The following AKAIN1 variants were observed in gnomAD, a reference collection of about 807,000 sequenced individuals.
AKAIN1 encodes the protein A-kinase anchor inhibitor 1.
In AKAIN1, 3 loss-of-function variants were observed where a neutral mutation model predicts 3.7. That is an observed-to-expected ratio of 0.82 (90% CI 0.37 to 2.12). AKAIN1 has a LOEUF of 2.12. Ranked by LOEUF, AKAIN1 falls within the 30% of genes most tolerant of loss-of-function variation. The pLI, the probability that AKAIN1 is intolerant of heterozygous loss-of-function variation, is 0.06. For missense variants in AKAIN1, 82 were observed against 82.7 expected, an observed-to-expected ratio of 0.99 and a Z score of 0.03; for synonymous variants, 31 against 30.8, an observed-to-expected ratio of 1.01 and a Z score of -0.02.
intron 1 of AKAIN1, among the ~76,000 whole-genome samples, chr18:5,160,463 AT>A (rs2071132896): frequency 6.6e-6 from 1 of 151,934 alleles, no homozygotes. Context: ...TTTTATATAT[AT>A]TCCTTGTCAA....
chr18:5,192,426 T>TTTCTTTCTTTCTTTCTTTCC (rs2071325646), intron 1 of AKAIN1, among the ~76,000 whole-genome samples: 1 of 119,502 alleles, frequency 8.4e-6, no homozygotes, highest in African/African-American at 2.9e-5. Context: ...TCTTTCTTTC[T>TTTCTTTCTTTCTTTCTTTCC]TTCTTTCTTT....
intron 1 of AKAIN1, among the ~76,000 whole-genome samples, chr18:5,156,526 C>T (rs9961924): frequency 0.016 from 2,406 of 152,300 alleles, 47 homozygotes; most frequent in African/African-American, 0.05. Flanking sequence ...CTTGAAAGAA[C>T]AGCTCCCAAC....
intron 1 of AKAIN1, among the ~76,000 whole-genome samples, chr18:5,159,169 T>C (rs2071125006): frequency 6.7e-6 from 1 of 148,158 alleles, no homozygotes; most frequent in African/African-American, 2.4e-5. Flanking sequence ...TCAGATGTTT[T>C]ACGTCTTTTT....
At chr18:5,197,429 G>A (rs1215487324), upstream of AKAIN1, 5 of 1,244,632 alleles carry the variant, frequency 4.0e-6, no homozygotes, top group South Asian at 3.5e-5. The surrounding 1 kb of genome is among the most constrained non-coding windows in gnomAD (Gnocchi z 6.9). Context: ...CCCGGCAGGG[G>A]ACAGTGAATT....
chr18:5,178,371 C>T (rs887883367), intron 1 of AKAIN1, among the ~76,000 whole-genome samples: 2 of 151,970 alleles, frequency 1.3e-5, no homozygotes, highest in African/African-American at 2.4e-5. Flanking sequence ...AAGACCCCAT[C>T]TCAAAAAAAG....
chr18:5,173,889 G>T (rs749153533), intron 1 of AKAIN1, among the ~76,000 whole-genome samples: 2 of 151,936 alleles, frequency 1.3e-5, no homozygotes, highest in African/African-American at 4.8e-5. Context: ...AATTGCAGCC[G>T]CAAAAAGAGG....
At chr18:5,180,615 G>A (rs930884258) in intron 1 of AKAIN1, among the ~76,000 whole-genome samples, 5 of 152,142 alleles carry the variant, frequency 3.3e-5, no homozygotes, top group Non-Finnish European at 7.4e-5. Flanking sequence ...GACCTGATCA[G>A]GTGGTGAAAT....
chr18:5,157,560 C>T (rs1197068455), intron 1 of AKAIN1, among the ~76,000 whole-genome samples: 1 of 152,024 alleles, frequency 6.6e-6, no homozygotes, highest in African/African-American at 2.4e-5. Context: ...CGCCCTCACC[C>T]GTCCTCTCAC....
chr18:5,153,754 C>T (rs188814879), intron 1 of AKAIN1, among the ~76,000 whole-genome samples: 6 of 152,266 alleles, frequency 3.9e-5, no homozygotes, highest in Non-Finnish European at 8.8e-5. Context: ...GCATATTTGT[C>T]TAAACCCATA....
chr18:5,160,535 T>C (rs1598307502), intron 1 of AKAIN1, among the ~76,000 whole-genome samples: 1 of 152,160 alleles, frequency 6.6e-6, no homozygotes, highest in Non-Finnish European at 1.5e-5. Flanking sequence ...AACCTCTGTG[T>C]TTCTCTTAAT....
At chr18:5,158,864 G>C (rs561108566) in intron 1 of AKAIN1, among the ~76,000 whole-genome samples, 79 of 152,294 alleles carry the variant, frequency 5.2e-4, no homozygotes, top group African/African-American at 1.6e-3. Context: ...ACCTGAACAA[G>C]CCTTGGTTTT....
chr18:5,146,111 T>A (rs1039257995), intron 1 of AKAIN1, among the ~76,000 whole-genome samples: 4 of 152,256 alleles, frequency 2.6e-5, no homozygotes, highest in African/African-American at 9.6e-5. Context: ...TTCACTGCTG[T>A]ACTGTTATTA....
intron 1 of AKAIN1, among the ~76,000 whole-genome samples, chr18:5,194,719 T>G (rs963862754): frequency 6.6e-6 from 1 of 152,224 alleles, no homozygotes; most frequent in Admixed American, 6.5e-5. Flanking sequence ...CTGACCCAAT[T>G]TTATGAATAG....
intron 1 of AKAIN1, among the ~76,000 whole-genome samples, chr18:5,187,972 G>C (rs942735135): frequency 1.3e-5 from 2 of 152,056 alleles, no homozygotes; most frequent in African/African-American, 4.8e-5. Flanking sequence ...GCAATGGTAG[G>C]ACATGCATAG....
intron 1 of AKAIN1, among the ~76,000 whole-genome samples, chr18:5,159,051 T>A (rs568782424): frequency 2.6e-5 from 4 of 152,080 alleles, no homozygotes; most frequent in South Asian, 4.2e-4. Flanking sequence ...TTATATCTTT[T>A]TTTTTTATAA....
In AKAIN1 at chr18:5,197,145, A is replaced by G. The variant is rs2071353320; in HGVS notation, c.-92T>C. 1.3e-6 allele frequency: 2 copies of G among 1,532,828 alleles called. No individual in the cohort carries two copies. The highest frequency in any genetic ancestry group is 8.8e-7 in the Non-Finnish European group (1 of 1,142,016). 95.0% of individuals were successfully genotyped at this position (1,532,828 alleles called of 1,614,324 possible). ...GGCCGGACTTGGCGGGGTCCGGTGC[A>G]GGAGGGCGCGCTGGGCGGGCGGCGG... On this transcript the variant is annotated 5_prime_UTR_variant, in exon 1 of 2. Coordinates refer to ENST00000434239, the MANE Select transcript of AKAIN1 (RefSeq NM_001145194.2). The surrounding 1 kb of genome is among the most constrained non-coding windows in gnomAD (Gnocchi z 6.9).
At position 5,181,163 on chromosome 18, in the gene AKAIN1, A is replaced by G. The variant is rs894371718; in HGVS notation, c.16+15875T>C. Among the ~76,000 whole-genome samples, 14 of 152,026 alleles carry G rather than the reference A, an allele frequency of 9.2e-5. No homozygotes were observed. In the East Asian group the frequency reaches 2.1e-3, roughly 23 times the overall value. On this transcript the variant is annotated intron_variant, in intron 1 of 1. Transcript: ENST00000434239. Reference sequence around the variant, plus strand: ...AAAATTTAGCCAGGCATGGTGGCACATGGCTGTAGTCCCTGCTACTCAGGA... The same window carrying G: ...AAAATTTAGCCAGGCATGGTGGCACGTGGCTGTAGTCCCTGCTACTCAGGA...
intron 1 of AKAIN1, among the ~76,000 whole-genome samples, chr18:5,158,223 C>A (rs1301826373): frequency 6.6e-6 from 1 of 152,174 alleles, no homozygotes; most frequent in Non-Finnish European, 1.5e-5. Flanking sequence ...CCAGTCTGTT[C>A]TTTCTTCCCC....
chr18:5,161,253 T>G (rs1444238126), intron 1 of AKAIN1, among the ~76,000 whole-genome samples: 1 of 152,112 alleles, frequency 6.6e-6, no homozygotes. Flanking sequence ...TACAAGGTAT[T>G]GTACATCTTT....
Sources: allele counts gnomAD v4.1 joint callset (sites outside exome capture counted in the v4.1 genomes callset), GRCh38; gene constraint gnomAD v4.1.1; non-coding constraint Gnocchi (gnomAD v3.1); transcripts MANE v1.5; gene names NCBI Gene and HGNC (gene_info 2026-07-23, HGNC 2026-07-21).